The following GRM7 variants were observed in gnomAD, a reference collection of about 807,000 sequenced individuals.
The protein encoded by GRM7 is metabotropic glutamate receptor 7.
GRM7 carries 35 observed loss-of-function variants against 84.5 expected under a neutral mutation model. That is an observed-to-expected ratio of 0.41 (90% confidence interval 0.32 to 0.55). The LOEUF (loss-of-function observed/expected upper bound fraction) is 0.55. GRM7 is among the 20% of genes least tolerant of loss of function. The pLI is 0.19. For missense variants in GRM7, 1,003 were observed against 1,194.6 expected (o/e 0.84, Z 2.36); for synonymous variants, 487 against 455.1 (o/e 1.07, Z -0.89).
intron 1 of GRM7, among the ~76,000 whole-genome samples, chr3:6,885,596 C>T (rs962413838): frequency 6.6e-6 from 1 of 152,138 alleles, no homozygotes; most frequent in African/African-American, 2.4e-5. Flanking sequence ...TACCACACAC[C>T]CAGAAATATG....
At chr3:7,259,861 C>T (rs780240975) in intron 2 of GRM7, among the ~76,000 whole-genome samples, 4 of 151,000 alleles carry the variant, frequency 2.6e-5, no homozygotes, top group Non-Finnish European at 5.9e-5. Flanking sequence ...TTGGAGGAAT[C>T]GCCACACTGC....
intron 4 of GRM7, among the ~76,000 whole-genome samples, chr3:7,343,482 G>T (rs1418854802): frequency 6.6e-6 from 1 of 152,104 alleles, no homozygotes; most frequent in Non-Finnish European, 1.5e-5. Flanking sequence ...CTAAAGTGCT[G>T]GGATTACAGG....
intron 1 of GRM7, among the ~76,000 whole-genome samples, chr3:7,095,891 G>C (rs755047471): frequency 5.3e-5 from 8 of 151,958 alleles, no homozygotes; most frequent in Non-Finnish European, 1.2e-4. Flanking sequence ...AAGCCTATGA[G>C]AAAAATAGTG....
At chr3:6,971,357 A>T (rs1031343735) in intron 1 of GRM7, among the ~76,000 whole-genome samples, 3 of 152,216 alleles carry the variant, frequency 2.0e-5, no homozygotes, top group Non-Finnish European at 4.4e-5. Flanking sequence ...TTGCAAGTAC[A>T]GTCCGAAGAA....
At chr3:7,310,359 C>A (rs1700347836) in intron 4 of GRM7, among the ~76,000 whole-genome samples, 1 of 152,092 alleles carries the variant, frequency 6.6e-6, no homozygotes, top group Non-Finnish European at 1.5e-5. Context: ...AAAGAGCTAG[C>A]TTTTTAAAAA....
chr3:6,983,456 A>T (rs2124837266), intron 1 of GRM7, among the ~76,000 whole-genome samples: 1 of 152,286 alleles, frequency 6.6e-6, no homozygotes, highest in African/African-American at 2.4e-5. Flanking sequence ...ACTATCCTTA[A>T]TGATTTCAGG....
intron 2 of GRM7, among the ~76,000 whole-genome samples, chr3:7,283,140 T>C (rs991618379): frequency 1.5e-4 from 23 of 152,048 alleles, no homozygotes; most frequent in African/African-American, 5.3e-4. Context: ...TTCTGAGTTG[T>C]AGGGAATGGT....
intron 2 of GRM7, among the ~76,000 whole-genome samples, chr3:7,196,028 A>G (rs1695867783): frequency 6.6e-6 from 1 of 152,006 alleles, no homozygotes; most frequent in African/African-American, 2.4e-5. Flanking sequence ...CTACCTACCT[A>G]TGTACCTACC....
At chr3:7,326,981 G>T (rs915497798) in intron 4 of GRM7, among the ~76,000 whole-genome samples, 1 of 151,978 alleles carries the variant, frequency 6.6e-6, no homozygotes, top group East Asian at 1.9e-4. Flanking sequence ...TAATATCTGT[G>T]TTCCCAGAAT....
intron 1 of GRM7, among the ~76,000 whole-genome samples, chr3:7,039,962 T>C (rs1696535001): frequency 6.6e-6 from 1 of 152,176 alleles, no homozygotes; most frequent in South Asian, 2.1e-4. Flanking sequence ...CAGAACTGTA[T>C]CTTTTGTACT....
chr3:7,662,855 C>A (rs930560113), intron 8 of GRM7, among the ~76,000 whole-genome samples: 2 of 152,108 alleles, frequency 1.3e-5, no homozygotes, highest in African/African-American at 4.8e-5. Flanking sequence ...TATATGCTTA[C>A]ATGTATCTAG....
intron 1 of GRM7, among the ~76,000 whole-genome samples, chr3:6,972,471 C>A (rs1382629977): frequency 6.6e-6 from 1 of 152,172 alleles, no homozygotes; most frequent in Admixed American, 6.5e-5. Flanking sequence ...ATGTGAGGTT[C>A]CTCGCTTTTA....
chr3:7,500,867 G>T (rs1699862334), intron 7 of GRM7, among the ~76,000 whole-genome samples: 1 of 152,158 alleles, frequency 6.6e-6, no homozygotes, highest in Admixed American at 6.5e-5. Flanking sequence ...ACTTGGTACA[G>T]ACTCAAGCCC....
chr3:7,655,041 A>C (rs796928382), intron 8 of GRM7, among the ~76,000 whole-genome samples: 7 of 152,238 alleles, frequency 4.6e-5, no homozygotes, highest in African/African-American at 1.7e-4. Flanking sequence ...CTGTGAACAG[A>C]CCCATTTTAA....
intron 8 of GRM7, among the ~76,000 whole-genome samples, chr3:7,602,080 C>CAAA (rs562646639): frequency 3.3e-4 from 31 of 93,778 alleles, no homozygotes; most frequent in South Asian, 4.0e-4. Context: ...ATTACCAGGA[C>CAAA]AAAAAAAAAA....
At chr3:7,341,888 G>T (rs1346672512) in intron 4 of GRM7, among the ~76,000 whole-genome samples, 1 of 151,958 alleles carries the variant, frequency 6.6e-6, no homozygotes, top group Non-Finnish European at 1.5e-5. Flanking sequence ...TCAGAACCTG[G>T]GGTCTAAACC....
At chr3:7,404,092 T>TA (rs1477978242) in intron 4 of GRM7, among the ~76,000 whole-genome samples, 2 of 152,158 alleles carry the variant, frequency 1.3e-5, no homozygotes, top group Non-Finnish European at 2.9e-5. Context: ...AAACGTAATT[T>TA]AAAAAATTCT....
rs147519046 is a variant in GRM7, at chr3:6,917,902, C to A, written c.519+55995C>A. Among the ~76,000 whole-genome samples, 559 of 152,216 alleles carry A rather than the reference C, an allele frequency of 3.7e-3. 7 individuals are homozygous for A. Among genetic ancestry groups the A allele is most frequent in the African/African-American group, 0.013 (522 of 41,532 alleles). ...AAGAAGTTTTGACTATTCTTTACCT[C>A]TTCATTAAAGGGATCAATTTGGAAT... On this transcript the variant is annotated intron_variant, in intron 1 of 9. Coordinates refer to ENST00000357716, the MANE Select transcript of GRM7 (RefSeq NM_000844.4).
At chr3:7,208,558 T>C (rs773287003) in intron 2 of GRM7, among the ~76,000 whole-genome samples, 8 of 152,088 alleles carry the variant, frequency 5.3e-5, no homozygotes, top group Non-Finnish European at 8.8e-5. Flanking sequence ...GCAAGCAAGA[T>C]GGAAGGGAGG....
Sources: allele counts gnomAD v4.1 joint callset (sites outside exome capture counted in the v4.1 genomes callset), GRCh38; gene constraint gnomAD v4.1.1; transcripts MANE v1.5; gene names NCBI Gene and HGNC (gene_info 2026-07-23, HGNC 2026-07-21).